Variants in TTBK2 observed in about 807,000 individuals in gnomAD.
TTBK2 encodes the protein tau-tubulin kinase 2.
In TTBK2, 28 loss-of-function variants were observed where a neutral mutation model predicts 110.8. The observed-to-expected ratio is 0.25, with a 90% CI of 0.19 to 0.35. The LOEUF is 0.35. Among genes scored for constraint, TTBK2 ranks in the 10% least tolerant of loss-of-function variants. TTBK2 has a pLI of 1.00. For missense variants in TTBK2, 1,369 were observed against 1,500.3 expected, an observed-to-expected ratio of 0.91 and a Z score of 1.45; for synonymous variants, 532 against 527.3, an observed-to-expected ratio of 1.01 and a Z score of -0.12.
chr15:42,752,381 A>T lies in TTBK2; in HGVS notation c.2865T>A (p.Thr955=). The change falls in exon 14 of 15, where the codon ACT becomes ACA. Residue 955 remains threonine (T), a synonymous_variant. Coordinates refer to ENST00000267890, the MANE Select transcript of TTBK2 (RefSeq NM_173500.4). ...CAGAAACTGGAGAGGATGATTCCAA[A>T]GTTGAGTCTATCTCTTGTGCTAAAA... is the stretch of plus-strand genomic sequence containing the variant. ...IPVLAQEIDS[T]LESSSPVSAK... 6.2e-7 allele frequency: 1 copy of T among 1,614,230 alleles called. No homozygotes were observed. Among genetic ancestry groups the T allele is most frequent in the Non-Finnish European group, 8.5e-7 (1 of 1,180,048 alleles).
intron 3 of TTBK2, chr15:42,840,723 G>A (rs934409393): frequency 6.6e-6 from 3 of 452,754 alleles, no homozygotes; most frequent in African/African-American, 2.0e-5. Flanking sequence ...AGATTAAGTG[G>A]TCAATTCAGA....
At chr15:42,892,256 C>A (rs1449447562) in intron 1 of TTBK2, among the ~76,000 whole-genome samples, 1 of 152,030 alleles carries the variant, frequency 6.6e-6, no homozygotes, top group African/African-American at 2.4e-5. Flanking sequence ...GGGCAAGGTG[C>A]CTGATTTTTA....
chr15:42,817,103 A>G lies in TTBK2; in HGVS notation c.538-6T>C. 1 of 1,604,006 alleles carries G rather than the reference A, an allele frequency of 6.2e-7. No individual in the cohort carries two copies. Among genetic ancestry groups the G allele is most frequent in the Non-Finnish European group, 8.5e-7 (1 of 1,173,874 alleles). Reference sequence around the variant, plus strand: ...AAACCTGCCACAGCTCGAGGCTACAACGAAGCCATGCAAAGAATAATAAAT... The same window carrying G: ...AAACCTGCCACAGCTCGAGGCTACAGCGAAGCCATGCAAAGAATAATAAAT... On this transcript the variant is annotated splice_polypyrimidine_tract_variant and splice_region_variant and intron_variant, in intron 6 of 14. Coordinates refer to ENST00000267890, the MANE Select transcript of TTBK2 (RefSeq NM_173500.4).
intron 1 of TTBK2, among the ~76,000 whole-genome samples, chr15:42,890,610 A>G (rs1037882896): frequency 6.6e-6 from 1 of 152,276 alleles, no homozygotes; most frequent in Non-Finnish European, 1.5e-5. Context: ...ATTTTTTCCT[A>G]TCTTACATTT....
intron 4 of TTBK2, among the ~76,000 whole-genome samples, chr15:42,839,670 G>A (rs565648787): frequency 6.6e-6 from 1 of 152,126 alleles, no homozygotes; most frequent in Non-Finnish European, 1.5e-5. Flanking sequence ...GTCTTACTGT[G>A]GTTTTGATTT....
intron 1 of TTBK2, among the ~76,000 whole-genome samples, chr15:42,886,070 A>G (rs938541127): frequency 6.6e-6 from 1 of 152,078 alleles, no homozygotes; most frequent in Non-Finnish European, 1.5e-5. Context: ...TTTGTTCCCA[A>G]TGAGACTCAT....
chr15:42,777,951 T>C (rs1003451209), intron 11 of TTBK2, among the ~76,000 whole-genome samples: 1 of 152,044 alleles, frequency 6.6e-6, no homozygotes, highest in Non-Finnish European at 1.5e-5. Context: ...CCAGTCTTCC[T>C]TGAAGGAAAG....
Position 42,775,545 on chromosome 15 carries a change from C to A in TTBK2, c.1588G>T (p.Gly530Cys), listed in dbSNP as rs1438291721. The change falls in exon 13 of 15, where the codon GGT becomes TGT. Residue 530 changes from glycine (G) to cysteine (C), a missense_variant. Physicochemically the swap from Gly to Cys is radical, Grantham distance 159 (BLOSUM62 -3). Transcript: ENST00000267890. ...SANTPEQADG[G>C]GSNGFIAVNL... The stretch of plus-strand genomic sequence containing the variant: ...ACAGCTATAAATCCATTGCTGCCAC[C>A]ACCATCTGCCTGCTCAGGGGTGTTG... The A allele has an allele frequency of 3.7e-6, 6 of 1,614,198 alleles. No individual in the cohort carries two copies. The highest frequency in any genetic ancestry group is 5.1e-6 in the Non-Finnish European group (6 of 1,180,036).
chr15:42,804,643 T>A (rs1434912101), intron 9 of TTBK2, among the ~76,000 whole-genome samples: 4 of 152,150 alleles, frequency 2.6e-5, no homozygotes, highest in Non-Finnish European at 5.9e-5. Flanking sequence ...CAGCATATAG[T>A]TGAAATTATT....
chr15:42,862,279 T>C (rs1359057085), intron 3 of TTBK2, among the ~76,000 whole-genome samples: 2 of 151,490 alleles, frequency 1.3e-5, no homozygotes, highest in East Asian at 3.9e-4. Context: ...AGAAACACAA[T>C]AAAAAGAGAA....
intron 10 of TTBK2, among the ~76,000 whole-genome samples, chr15:42,783,988 G>C (rs1011861712): frequency 2.0e-5 from 3 of 151,880 alleles, no homozygotes; most frequent in Non-Finnish European, 2.9e-5. Context: ...CTTGAATCTA[G>C]AAGGCGGAGG....
intron 9 of TTBK2, 98 bp downstream of exon 9, chr15:42,810,516 C>T: frequency 6.8e-7 from 1 of 1,474,520 alleles, no homozygotes; most frequent in Non-Finnish European, 9.4e-7. Context: ...TTCTAAGGAC[C>T]TCCCCTACTC....
chr15:42,914,757 G>A (rs192803091), intron 1 of TTBK2, among the ~76,000 whole-genome samples: 2 of 152,132 alleles, frequency 1.3e-5, no homozygotes. Flanking sequence ...CTAATTATAG[G>A]GATAATATAT....
At chr15:42,901,709 G>T (rs189286824) in intron 1 of TTBK2, among the ~76,000 whole-genome samples, 1 of 151,894 alleles carries the variant, frequency 6.6e-6, no homozygotes, top group African/African-American at 2.4e-5. Flanking sequence ...CCCACAAAAT[G>T]GGAAAAAATA....
intron 10 of TTBK2, among the ~76,000 whole-genome samples, chr15:42,788,919 T>G (rs1890523610): frequency 6.6e-6 from 1 of 152,188 alleles, no homozygotes; most frequent in African/African-American, 2.4e-5. Flanking sequence ...AAATTGTATT[T>G]GAGCTTTGTA....
chr15:42,837,893 T>C (rs1893057434), intron 4 of TTBK2, among the ~76,000 whole-genome samples: 1 of 151,980 alleles, frequency 6.6e-6, no homozygotes, highest in Non-Finnish European at 1.5e-5. Flanking sequence ...GAATCACTGT[T>C]ATTTAGATAA....
chr15:42,901,609 C>T (rs1296901602), intron 1 of TTBK2, among the ~76,000 whole-genome samples: 2 of 145,678 alleles, frequency 1.4e-5, no homozygotes, highest in African/African-American at 2.5e-5. Context: ...AGCGAGACCT[C>T]GTCTCTAAAA....
chr15:42,792,735 C>T (rs1396253757), intron 10 of TTBK2, among the ~76,000 whole-genome samples: 1 of 152,152 alleles, frequency 6.6e-6, no homozygotes, highest in Non-Finnish European at 1.5e-5. Flanking sequence ...ATGAAAGATA[C>T]TGCACTAGGA....
At chr15:42,765,786 T>A (rs1166552088) in intron 13 of TTBK2, among the ~76,000 whole-genome samples, 1 of 151,904 alleles carries the variant, frequency 6.6e-6, no homozygotes, top group Non-Finnish European at 1.5e-5. Flanking sequence ...AGATACTCCA[T>A]GAGAAGAGCA....
Sources: gnomAD v4.1 joint callset for allele counts (sites outside exome capture counted in the v4.1 genomes callset) on GRCh38, gnomAD v4.1.1 for gene constraint, MANE v1.5 for transcripts, NCBI Gene and HGNC (gene_info 2026-07-23, HGNC 2026-07-21) for gene names.